Variants in ARF4 observed in about 807,000 individuals in gnomAD.
ARF4 encodes the protein ADP-ribosylation factor 4.
A neutral mutation model predicts 24.3 loss-of-function variants in ARF4; 5 were observed. The observed-to-expected ratio is 0.21, with a 90% confidence interval of 0.11 to 0.43. The LOEUF (loss-of-function observed/expected upper bound fraction) is 0.43. ARF4 is among the 20% of genes least tolerant of loss of function. The pLI is 1.00. For missense variants in ARF4, 107 were observed against 213.0 expected, an observed-to-expected ratio of 0.50 and a Z score of 3.10; for synonymous variants, 62 against 73.5, an observed-to-expected ratio of 0.84 and a Z score of 0.80.
rs199895622 is a variant in ARF4, at chr3:57,583,853, T to C, written c.258+45A>G. 1,974 of 1,366,962 alleles carry C rather than the reference T, an allele frequency of 1.4e-3. 7 individuals are homozygous for C. The highest frequency in any genetic ancestry group is 7.2e-3 in the Middle Eastern group (29 of 4,006). 84.7% of individuals were successfully genotyped at this position (1,366,962 alleles called of 1,614,324 possible). A position where few individuals can be genotyped will look rare whatever the true frequency, so the allele number is the denominator to read the frequency against. On this transcript the variant is annotated intron_variant, in intron 3 of 5. Coordinates refer to ENST00000303436, the MANE Select transcript of ARF4 (RefSeq NM_001660.4). ...AGATACTAATAAAAACTTTAGAGCA[T>C]GAAACCCACAAAGAAAAGTTATAAA...
chr3:57,573,068 G>C (rs1004199945), intron 5 of ARF4, among the ~76,000 whole-genome samples: 9 of 151,922 alleles, frequency 5.9e-5, no homozygotes, highest in South Asian at 2.1e-4. Flanking sequence ...CGGGCGTGGT[G>C]GTGGGCGCCT....
At chr3:57,585,925 G>A (rs2070031542) in intron 1 of ARF4, among the ~76,000 whole-genome samples, 1 of 152,126 alleles carries the variant, frequency 6.6e-6, no homozygotes, top group Non-Finnish European at 1.5e-5. Flanking sequence ...GCCTCTCAAA[G>A]TGCTGTGATT....
At chr3:57,574,010 C>T (rs1575779604) in intron 5 of ARF4, among the ~76,000 whole-genome samples, 2 of 152,094 alleles carry the variant, frequency 1.3e-5, no homozygotes, top group African/African-American at 4.8e-5. Context: ...GGCGTGATCT[C>T]GGCTCACTGC....
At position 57,585,274 on chromosome 3, in the gene ARF4, T is replaced by C. The variant is rs1033880516; in HGVS notation, c.68-810A>G. On this transcript the variant is annotated intron_variant, in intron 1 of 5. Transcript: ENST00000303436. ...TTTTCTCTTATTTACAGAGTAAAATTTGGGTAACAGATTTTGATGCTAAGG... is the reference window on the plus strand; with the variant it reads ...TTTTCTCTTATTTACAGAGTAAAATCTGGGTAACAGATTTTGATGCTAAGG... 2.0e-5 allele frequency among the ~76,000 whole-genome samples: 3 copies of C among 152,330 alleles called. No homozygotes were observed. In the South Asian group the frequency reaches 6.2e-4, roughly 32 times the overall value.
At position 57,589,057 on chromosome 3, in the gene ARF4, G is replaced by A. The variant is rs1355210131; in HGVS notation, c.68-4593C>T. On this transcript the variant is annotated intron_variant, in intron 1 of 5. Coordinates refer to ENST00000303436, the MANE Select transcript of ARF4 (RefSeq NM_001660.4). ...GCGGAGGTCGCAGTGAGCTGAGATC[G>A]CGCCATTACACTCCAACCTGGGCAA... 4.6e-5 allele frequency among the ~76,000 whole-genome samples: 7 copies of A among 151,200 alleles called. No homozygotes were observed. The East Asian group carries it at 1.2e-3, about 25-fold the overall frequency.
At chr3:57,582,606 G>A (rs1051136566) in intron 3 of ARF4, among the ~76,000 whole-genome samples, 7 of 152,040 alleles carry the variant, frequency 4.6e-5, no homozygotes. Context: ...ATGTAAACCT[G>A]GTTGTCCCAG....
At chr3:57,576,447 G>A (rs2069903194) in intron 4 of ARF4, among the ~76,000 whole-genome samples, 1 of 148,290 alleles carries the variant, frequency 6.7e-6, no homozygotes. Flanking sequence ...AAAAGCCATT[G>A]ATATGCACAT....
At chr3:57,580,783 T>A (rs2153408763) in intron 3 of ARF4, among the ~76,000 whole-genome samples, 1 of 151,518 alleles carries the variant, frequency 6.6e-6, no homozygotes, top group South Asian at 2.1e-4. Context: ...TCTTTTTTTT[T>A]TTTTTTAAAT....
rs758832713 is a variant in ARF4 at position 57,584,365 on chromosome 3, C to T, written c.148+19G>A. On this transcript the variant is annotated intron_variant, in intron 2 of 5. Transcript: ENST00000303436. Reference sequence around the variant, plus strand: ...TTTACAACATATCATGATATAAAGTCATCTGTAAACTTTCTTACCAATGGT... The same window carrying T: ...TTTACAACATATCATGATATAAAGTTATCTGTAAACTTTCTTACCAATGGT... The T allele has an allele frequency of 2.6e-6, 4 of 1,559,684 alleles. No individual in the cohort carries two copies. Among genetic ancestry groups the T allele is most frequent in the Non-Finnish European group, 3.5e-6 (4 of 1,132,476 alleles).
chr3:57,591,276 G>T (rs9681578), intron 1 of ARF4, among the ~76,000 whole-genome samples: 1,991 of 152,040 alleles, frequency 0.013, 48 homozygotes, highest in African/African-American at 0.045. Context: ...TGAAGAGCTA[G>T]AAAGTGAAAA....
At chr3:57,574,139 T>C (rs538255985) in intron 5 of ARF4, among the ~76,000 whole-genome samples, 2 of 151,596 alleles carry the variant, frequency 1.3e-5, no homozygotes, top group East Asian at 3.9e-4. Context: ...TGGGGTTTCA[T>C]CATCTTGGCC....
intron 1 of ARF4, among the ~76,000 whole-genome samples, chr3:57,592,503 A>G (rs1428978175): frequency 6.6e-6 from 1 of 152,084 alleles, no homozygotes; most frequent in Non-Finnish European, 1.5e-5. Context: ...TTTTTTATCA[A>G]ATTCATCAGA....
In ARF4 at chr3:57,586,575, C is replaced by T. The variant is rs917548283; in HGVS notation, c.68-2111G>A. 3.3e-5 allele frequency among the ~76,000 whole-genome samples: 5 copies of T among 152,268 alleles called. 1 individual carries two copies. The highest frequency in any genetic ancestry group is 2.9e-5 in the Non-Finnish European group (2 of 68,030). ...AAAACCCTGTTCCCCACTTCGTACT[C>T]GGATACAGGTTTATTCCTTCCCAAC... On this transcript the variant is annotated intron_variant, in intron 1 of 5. Coordinates refer to ENST00000303436, the MANE Select transcript of ARF4 (RefSeq NM_001660.4).
At position 57,597,218 on chromosome 3, in the gene ARF4, G is replaced by A. The variant is rs2070201213; in HGVS notation, c.-78C>T. On this transcript the variant is annotated 5_prime_UTR_variant, in exon 1 of 6. Coordinates refer to ENST00000303436, the MANE Select transcript of ARF4 (RefSeq NM_001660.4). ...CGTGCTTTCTCCTTTCAAGCTCCCAGGCAAACTAAACGAGAGGGAAGAGAA... is the reference window on the plus strand; with the variant it reads ...CGTGCTTTCTCCTTTCAAGCTCCCAAGCAAACTAAACGAGAGGGAAGAGAA... 3 of 1,398,670 alleles carry A rather than the reference G, an allele frequency of 2.1e-6. No homozygotes were observed. Among genetic ancestry groups the A allele is most frequent in the African/African-American group, 1.4e-5 (1 of 70,274 alleles). The allele number at this position is 1,398,670 out of a possible 1,614,324, so 86.6% of individuals were successfully genotyped here.
intron 1 of ARF4, among the ~76,000 whole-genome samples, chr3:57,584,826 A>G (rs2070016551): frequency 1.3e-5 from 2 of 150,362 alleles, no homozygotes; most frequent in South Asian, 4.3e-4. Context: ...ATCTCTTCCA[A>G]TTAAATTCTA....
At chr3:57,588,825 A>G (rs1400795473) in intron 1 of ARF4, among the ~76,000 whole-genome samples, 3,585 of 106,956 alleles carry the variant, frequency 0.034, no homozygotes, top group Middle Eastern at 0.24. Flanking sequence ...GGTGTGAGTG[A>G]GGCACAGTGG....
At chr3:57,575,465 T>A in intron 5 of ARF4, 83 bp downstream of exon 5, 2 of 1,360,064 alleles carry the variant, frequency 1.5e-6, no homozygotes, top group Non-Finnish European at 2.0e-6. Context: ...AGATAATAAA[T>A]GTTTAAACTG....
At position 57,571,554 on chromosome 3, in the gene ARF4, GAC is replaced by G. The variant is rs376504989; in HGVS notation, c.*656_*657del. 5 of 152,536 alleles carry G rather than the reference GAC, an allele frequency of 3.3e-5. No homozygotes were observed. Among genetic ancestry groups the G allele is most frequent in the African/African-American group, 1.2e-4 (5 of 41,406 alleles). 9.4% of individuals were successfully genotyped at this position (152,536 alleles called of 1,614,324 possible). A position where few individuals can be genotyped will look rare whatever the true frequency, so the allele number is the denominator to read the frequency against. ...CAAAAGCAACATGCAACATAAAAAAGACACAATATAAAGGAAGACAATCTGCT... is the reference window on the plus strand; with the variant it reads ...CAAAAGCAACATGCAACATAAAAAAGACAATATAAAGGAAGACAATCTGCT... On this transcript the variant is annotated 3_prime_UTR_variant, in exon 6 of 6. Coordinates refer to ENST00000303436, the MANE Select transcript of ARF4 (RefSeq NM_001660.4).
At chr3:57,577,772 G>C (rs753530286) in intron 3 of ARF4, among the ~76,000 whole-genome samples, 5 of 152,092 alleles carry the variant, frequency 3.3e-5, no homozygotes, top group Admixed American at 6.6e-5. Context: ...GGCCAGGCAT[G>C]GTGGCTCATC....
Sources: gnomAD v4.1 joint callset for allele counts (sites outside exome capture counted in the v4.1 genomes callset) on GRCh38, gnomAD v4.1.1 for gene constraint, MANE v1.5 for transcripts, NCBI Gene and HGNC (gene_info 2026-07-23, HGNC 2026-07-21) for gene names.